The following OSBPL9 variants were observed in gnomAD, a reference collection of about 807,000 sequenced individuals.
OSBPL9 encodes oxysterol binding protein like 9.
In OSBPL9, 40 loss-of-function variants were observed where a neutral mutation model predicts 106.6. The observed-to-expected ratio is 0.38, with a 90% CI of 0.29 to 0.49. The LOEUF is 0.49. OSBPL9 is among the 20% of genes least tolerant of loss of function. The pLI is 0.97. For missense variants in OSBPL9, 609 were observed against 887.2 expected (o/e 0.69, Z 3.98); for synonymous variants, 269 against 295.4 (o/e 0.91, Z 0.92).
intron 1 of OSBPL9, among the ~76,000 whole-genome samples, chr1:51,586,058 C>G (rs1027797335): frequency 6.6e-6 from 1 of 151,516 alleles, no homozygotes; most frequent in African/African-American, 2.4e-5. Flanking sequence ...CCTGTAATCA[C>G]AGCTACTCAG....
chr1:51,729,645 C>T lies in OSBPL9; in HGVS notation c.318+15566C>T, dbSNP rs1405660687. ...GCACCCCTCCCGCGAGCTGCCAGCT[C>T]CCTCGGCCTCTCCACCCAAAACTGG... On this transcript the variant is annotated intron_variant, in intron 4 of 23. Transcript: ENST00000428468. The surrounding 1 kb of genome is among the most constrained non-coding windows in gnomAD (Gnocchi z 5.1). 3.3e-6 allele frequency: 1 copy of T among 301,148 alleles called. No individual in the cohort carries two copies. Among genetic ancestry groups the T allele is most frequent in the East Asian group, 6.4e-5 (1 of 15,568 alleles). The allele number at this position is 301,148 out of a possible 1,614,324, so 18.7% of individuals were successfully genotyped here. A position where few individuals can be genotyped will look rare whatever the true frequency, so the allele number is the denominator to read the frequency against.
At chr1:51,673,810 A>C (rs574605818) in intron 3 of OSBPL9, among the ~76,000 whole-genome samples, 3 of 152,078 alleles carry the variant, frequency 2.0e-5, no homozygotes, top group Non-Finnish European at 4.4e-5. Context: ...TTAAGACTGT[A>C]GTGTTCTATG....
In OSBPL9 at chr1:51,595,048, A is replaced by G. The variant is rs548737930; in HGVS notation, c.-422-3076A>G. The stretch of plus-strand genomic sequence containing the variant: ...CCCCACTGCTGCCACTTCTACCTTG[A>G]CCCAGGGGCGGGGGCTGAGATCACC... On this transcript the variant is annotated intron_variant, in intron 1 of 25. Coordinates refer to the OSBPL9 transcript ENST00000371714. Among the ~76,000 whole-genome samples, 6 of 152,098 alleles carry G rather than the reference A, an allele frequency of 3.9e-5. No individual in the cohort carries two copies. In the East Asian group the frequency reaches 1.2e-3, roughly 29 times the overall value.
In OSBPL9 at chr1:51,592,095, C is replaced by G. The variant is rs190203610; in HGVS notation, c.-422-6029C>G. On this transcript the variant is annotated intron_variant, in intron 1 of 25. Coordinates refer to the OSBPL9 transcript ENST00000371714. ...AGTAGGCACCTGACCTCAACGATTA[C>G]TTGTTGCTAAGGCTTTTTTTTTTTT... is the stretch of plus-strand genomic sequence containing the variant. Among the ~76,000 whole-genome samples the G allele has an allele frequency of 4.9e-5, 7 of 141,454 alleles. No individual in the cohort carries two copies. In the East Asian group the frequency reaches 1.5e-3, roughly 30 times the overall value. The allele number at this position is 141,454 out of a possible 152,430, so 92.8% of individuals were successfully genotyped here.
chr1:51,762,730 C>T (rs1671786282), intron 11 of OSBPL9, among the ~76,000 whole-genome samples: 2 of 152,184 alleles, frequency 1.3e-5, no homozygotes, highest in South Asian at 2.1e-4. Flanking sequence ...TTATGTGTTT[C>T]TGTGACTTGC....
chr1:51,592,414 C>T (rs371423128), intron 1 of OSBPL9, among the ~76,000 whole-genome samples: 1 of 152,108 alleles, frequency 6.6e-6, no homozygotes, highest in East Asian at 1.9e-4. Context: ...TGTGCCCGGC[C>T]GTTGCTAAGT....
chr1:51,776,956 A>G (rs754101932), intron 15 of OSBPL9, 38 bp downstream of exon 15: 19 of 1,470,012 alleles, frequency 1.3e-5, no homozygotes, highest in Non-Finnish European at 1.7e-5. Flanking sequence ...ACGTTTACAG[A>G]TGTTACTCAG....
intron 1 of OSBPL9, among the ~76,000 whole-genome samples, chr1:51,580,254 A>G (rs552483352): frequency 2.5e-4 from 38 of 152,378 alleles, no homozygotes; most frequent in African/African-American, 8.7e-4. Flanking sequence ...ATTTCTGTAT[A>G]TAACCTGAGT....
intron 3 of OSBPL9, among the ~76,000 whole-genome samples, chr1:51,680,904 T>C (rs1479819798): frequency 6.6e-6 from 1 of 152,286 alleles, no homozygotes; most frequent in East Asian, 1.9e-4. Flanking sequence ...TACTCTTCTG[T>C]TTTCATCACA....
At chr1:51,535,306 G>C in the OSBPL9 span, among the ~76,000 whole-genome samples, 1 of 152,124 alleles carries the variant, frequency 6.6e-6, no homozygotes, top group East Asian at 1.9e-4. Context: ...GTCACAAAGG[G>C]CCTGAGGTGG....
At chr1:51,652,608 T>A (rs1646584663) in intron 2 of OSBPL9, among the ~76,000 whole-genome samples, 2 of 152,158 alleles carry the variant, frequency 1.3e-5, no homozygotes, top group Admixed American at 6.5e-5. Flanking sequence ...TAAAAAAAAA[T>A]TAAGATATTT....
intron 22 of OSBPL9, 78 bp downstream of exon 22, chr1:51,786,695 A>G: frequency 8.5e-7 from 1 of 1,176,462 alleles, no homozygotes; most frequent in Admixed American, 1.8e-5. Context: ...GCTGGGTTTG[A>G]GAGACAGTAG....
intron 4 of OSBPL9, among the ~76,000 whole-genome samples, chr1:51,743,130 A>T (rs1667281539): frequency 6.6e-6 from 1 of 152,314 alleles, no homozygotes; most frequent in African/African-American, 2.4e-5. Context: ...ATATACATAA[A>T]TTTTCCTTTT....
intron 4 of OSBPL9, among the ~76,000 whole-genome samples, chr1:51,716,015 C>T (rs1398373065): frequency 6.6e-6 from 1 of 152,158 alleles, no homozygotes; most frequent in East Asian, 1.9e-4. Context: ...CTGATGTTGA[C>T]ATCATAAGTT....
intron 1 of OSBPL9, among the ~76,000 whole-genome samples, chr1:51,592,785 A>T (rs1046303775): frequency 5.3e-5 from 8 of 152,158 alleles, no homozygotes; most frequent in African/African-American, 1.9e-4. Context: ...ATTTATTGAT[A>T]ATACCCTTGG....
intron 12 of OSBPL9, among the ~76,000 whole-genome samples, chr1:51,771,168 G>A (rs1673799688): frequency 1.3e-5 from 2 of 152,136 alleles, no homozygotes; most frequent in African/African-American, 4.8e-5. Flanking sequence ...AAGAAGTTAA[G>A]TAACAAGGGC....
intron 1 of OSBPL9, among the ~76,000 whole-genome samples, chr1:51,580,777 G>T (rs1645215703): frequency 6.7e-6 from 1 of 149,356 alleles, no homozygotes; most frequent in African/African-American, 2.5e-5. Flanking sequence ...ATAATTTATT[G>T]TAGAAAATCT....
At chr1:51,772,206 CT>C (rs756218791) in intron 13 of OSBPL9, 24 bp downstream of exon 13, 28 of 1,567,138 alleles carry the variant, frequency 1.8e-5, no homozygotes, top group South Asian at 2.3e-5. Context: ...GATAATTTAA[CT>C]TTTTTTTCTT....
intron 1 of OSBPL9, among the ~76,000 whole-genome samples, chr1:51,580,604 A>T (rs111749052): frequency 6.6e-6 from 1 of 152,124 alleles, no homozygotes; most frequent in Middle Eastern, 3.4e-3. Flanking sequence ...TTTACAGAGA[A>T]CCTATGCTGT....
Sources: allele counts gnomAD v4.1 joint callset (sites outside exome capture counted in the v4.1 genomes callset), GRCh38; gene constraint gnomAD v4.1.1; non-coding constraint Gnocchi (gnomAD v3.1); transcripts MANE v1.5; gene names NCBI Gene and HGNC (gene_info 2026-07-23, HGNC 2026-07-21).